The following TRABD2A variants were observed in gnomAD, a reference collection of about 807,000 sequenced individuals.
TRABD2A encodes metalloprotease TIKI1.
Under a neutral mutation model 45.6 loss-of-function variants are expected in TRABD2A, and 43 were observed. That is an observed-to-expected ratio of 0.94 (90% CI 0.74 to 1.22). The LOEUF (loss-of-function observed/expected upper bound fraction) is 1.22. Among genes scored for constraint, TRABD2A ranks in the 50% most tolerant of loss-of-function variants. TRABD2A has a pLI of 0.00. For synonymous variants in TRABD2A, 269 were observed against 265.0 expected (o/e 1.02, Z -0.15); for missense variants, 642 against 652.4 (o/e 0.98, Z 0.17).
At chr2:84,839,386 T>A in intron 3 of TRABD2A, 63 bp from the exon 4 acceptor site, 1 of 1,476,296 alleles carries the variant, frequency 6.8e-7, no homozygotes, top group Middle Eastern at 2.0e-4. Flanking sequence ...AGTTACTTCA[T>A]TGGAGCATCA....
intron 2 of TRABD2A, among the ~76,000 whole-genome samples, chr2:84,868,389 G>A (rs1682754818): frequency 7.0e-6 from 1 of 143,094 alleles, no homozygotes; most frequent in Non-Finnish European, 1.5e-5. Context: ...TGAACAATGA[G>A]AACACTTGGA....
chr2:84,833,447 T>G (rs747071416), intron 4 of TRABD2A: 4 of 152,236 alleles, frequency 2.6e-5, no homozygotes, highest in Non-Finnish European at 5.9e-5. Flanking sequence ...CACTTCTGAC[T>G]TCAATTTTTC....
chr2:84,879,733 A>G, intron 1 of TRABD2A: 1 of 382,342 alleles, frequency 2.6e-6, no homozygotes, highest in Non-Finnish European at 3.6e-6. Context: ...CCTGGTGCAG[A>G]CTCCCCTCTC....
intron 1 of TRABD2A, 45 bp from the exon 2 acceptor site, chr2:84,870,830 G>A (rs751459400): frequency 4.7e-6 from 7 of 1,476,962 alleles, no homozygotes; most frequent in African/African-American, 1.4e-5. Flanking sequence ...TGGGGGAGAG[G>A]CATGGTCAGG....
chr2:84,859,667 C>A (rs1196686914), intron 2 of TRABD2A, among the ~76,000 whole-genome samples: 1 of 152,126 alleles, frequency 6.6e-6, no homozygotes, highest in East Asian at 1.9e-4. Context: ...AAGAATAGGA[C>A]CCAATGGTTC....
intron 5 of TRABD2A, among the ~76,000 whole-genome samples, chr2:84,829,881 A>G (rs1022165633): frequency 6.7e-6 from 1 of 150,172 alleles, no homozygotes; most frequent in Non-Finnish European, 1.5e-5. Flanking sequence ...CACACTACAC[A>G]CACACACATA....
rs114779097 is a variant in TRABD2A at position 84,841,352 on chromosome 2, C to T, written c.816+509G>A. Among the ~76,000 whole-genome samples the T allele has an allele frequency of 6.8e-3, 1,030 of 152,354 alleles. 17 individuals are homozygous for T. The highest frequency in any genetic ancestry group is 0.024 in the African/African-American group (999 of 41,570). On this transcript the variant is annotated intron_variant, in intron 3 of 6. Coordinates refer to ENST00000409520, the MANE Select transcript of TRABD2A (RefSeq NM_001277053.2). ...CACTCAATCCACCAGCTCAGCCACA[C>T]TCATCCTGCAATACCACAGGATGCA...
chr2:84,881,030 A>T lies in TRABD2A; in HGVS notation c.10T>A (p.Trp4Arg). 1 of 1,603,774 alleles carries T rather than the reference A, an allele frequency of 6.2e-7. No homozygotes were observed. The highest frequency in any genetic ancestry group is 8.5e-7 in the Non-Finnish European group (1 of 1,176,106). Residue 4 changes from tryptophan to arginine, a missense_variant, in exon 1 of 7, where the codon TGG becomes AGG. Physicochemically the swap from Trp to Arg is moderately radical, Grantham distance 101. Coordinates refer to ENST00000409520, the MANE Select transcript of TRABD2A (RefSeq NM_001277053.2). Reference protein sequence around the residue: MSPWSWFLLQTLCL... With the variant: MSPRSWFLLQTLCL... ...AGGGTCTGCAGCAGGAACCAGCTCC[A>T]GGGACTCATCCTCCTCAAGGCGGCT...
intron 2 of TRABD2A, among the ~76,000 whole-genome samples, chr2:84,858,538 C>T (rs1371476240): frequency 1.3e-5 from 2 of 152,162 alleles, no homozygotes; most frequent in Admixed American, 1.3e-4. Context: ...GTTATTCTAC[C>T]ATGACAGCCC....
intron 2 of TRABD2A, among the ~76,000 whole-genome samples, chr2:84,842,308 G>A (rs2105382556): frequency 6.6e-6 from 1 of 152,266 alleles, no homozygotes; most frequent in East Asian, 1.9e-4. Flanking sequence ...TGGCTTGTGA[G>A]GAATAGAAGC....
intron 2 of TRABD2A, among the ~76,000 whole-genome samples, chr2:84,859,279 A>G (rs1412428098): frequency 6.6e-6 from 1 of 152,216 alleles, no homozygotes; most frequent in African/African-American, 2.4e-5. Context: ...CTTTTAATAC[A>G]GTATGGCCGG....
At chr2:84,828,259 C>T (rs1681206916) in intron 5 of TRABD2A, among the ~76,000 whole-genome samples, 1 of 152,176 alleles carries the variant, frequency 6.6e-6, no homozygotes, top group Admixed American at 6.5e-5. Context: ...GCACACCCAT[C>T]TCTGTCTCCC....
intron 2 of TRABD2A, among the ~76,000 whole-genome samples, chr2:84,848,328 TGATAGATAGATAGATA>T (rs58667309): frequency 6.1e-4 from 77 of 126,922 alleles, no homozygotes; most frequent in African/African-American, 1.1e-3. Flanking sequence ...CACATAAAAA[TGATAGATAGATAGATA>T]GATAGATAGA....
In TRABD2A at chr2:84,824,019, C is replaced by G. The variant is rs562954319; in HGVS notation, c.1268G>C (p.Arg423Pro). 16 of 1,613,862 alleles carry G rather than the reference C, an allele frequency of 9.9e-6. No homozygotes were observed. The South Asian group carries it at 1.2e-4, about 12-fold the overall frequency. Residue 423 changes from arginine to proline, a missense_variant, in exon 6 of 7, where the codon CGG becomes CCG. Coordinates refer to ENST00000409520, the MANE Select transcript of TRABD2A (RefSeq NM_001277053.2). ...TCGCGGCCTCCGCTGTGACCGCCTC[C>G]GCTTCTTCCGGAACCTCTGTTCGGC... ...SEAEQRFRKK[R>P]RRSQRRPRLR...
chr2:84,874,161 T>A (rs1011584909), intron 1 of TRABD2A, among the ~76,000 whole-genome samples: 1 of 152,224 alleles, frequency 6.6e-6, no homozygotes, highest in Non-Finnish European at 1.5e-5. Flanking sequence ...TCAGTATGCA[T>A]CCATTTTCAT....
intron 2 of TRABD2A, among the ~76,000 whole-genome samples, chr2:84,844,331 G>C (rs1204232581): frequency 6.6e-6 from 1 of 152,104 alleles, no homozygotes; most frequent in Non-Finnish European, 1.5e-5. Context: ...CTATAAAGGG[G>C]AGTTCCCCTG....
At chr2:84,828,078 A>G (rs1077440) in intron 5 of TRABD2A, among the ~76,000 whole-genome samples, 36,436 of 152,148 alleles carry the variant, frequency 0.24, 4,802 homozygotes, top group African/African-American at 0.37. Flanking sequence ...CCAGGGGGAG[A>G]AGGGAGGAAC....
At position 84,870,551 on chromosome 2, in the gene TRABD2A, G is replaced by T; in HGVS notation, c.343C>A (p.Leu115Ile). ...LPQGENLQDV[L>I]PRDIYCRLKR... ...AGGCGGCAGTAGATGTCCCTGGGGA[G>T]CACATCTTGGAGGTTCTCGCCCTGT... The change falls in exon 2 of 7, where the codon CTC becomes ATC. Residue 115 changes from leucine (L) to isoleucine (I), a missense_variant. Physicochemically the swap from Leu to Ile is conservative, Grantham distance 5. Coordinates refer to ENST00000409520, the MANE Select transcript of TRABD2A (RefSeq NM_001277053.2). 6.2e-7 allele frequency: 1 copy of T among 1,613,942 alleles called. No homozygotes were observed. The highest frequency in any genetic ancestry group is 8.5e-7 in the Non-Finnish European group (1 of 1,179,852).
chr2:84,853,625 C>T (rs1285319722), intron 2 of TRABD2A, among the ~76,000 whole-genome samples: 5 of 152,140 alleles, frequency 3.3e-5, no homozygotes, highest in Non-Finnish European at 5.9e-5. Flanking sequence ...AGTGAGGCTC[C>T]TACAAGACAA....
Sources: gnomAD v4.1 joint callset for allele counts (sites outside exome capture counted in the v4.1 genomes callset) on GRCh38, gnomAD v4.1.1 for gene constraint, MANE v1.5 for transcripts, NCBI Gene and HGNC (gene_info 2026-07-23, HGNC 2026-07-21) for gene names.